Variants in EHBP1 observed in about 807,000 individuals in gnomAD.
The protein encoded by EHBP1 is EH domain-binding protein 1.
A neutral mutation model predicts 144.0 loss-of-function variants in EHBP1; 55 were observed. The observed-to-expected ratio is 0.38, with a 90% CI of 0.31 to 0.48. The LOEUF is 0.48. Among genes scored for constraint, EHBP1 ranks in the 20% least tolerant of loss-of-function variants. The pLI is 0.98. For synonymous variants in EHBP1, 469 were observed against 472.7 expected, an observed-to-expected ratio of 0.99 and a Z score of 0.10; for missense variants, 1,200 against 1,364.2, an observed-to-expected ratio of 0.88 and a Z score of 1.90.
chr2:63,016,976 C>T (rs2060511533), intron 19 of EHBP1, among the ~76,000 whole-genome samples: 1 of 152,140 alleles, frequency 6.6e-6, no homozygotes, highest in African/African-American at 2.4e-5. Flanking sequence ...ATATTTAATC[C>T]ATATCATACC....
intron 10 of EHBP1, among the ~76,000 whole-genome samples, chr2:62,898,178 G>A (rs1334517731): frequency 1.3e-5 from 2 of 152,060 alleles, no homozygotes; most frequent in Non-Finnish European, 2.9e-5. Context: ...TCGCGGGAGT[G>A]ACATAATCTG....
At position 62,747,377 on chromosome 2, in the gene EHBP1, T is replaced by G; in HGVS notation, c.105-18T>G. On this transcript the variant is annotated intron_variant, in intron 2 of 22. Transcript: ENST00000431489. ...TTATTTAAGATAAATTATGTTTAACTTTTTTTTTGTTTGGCAGGCAACCAG... is the reference window on the plus strand; with the variant it reads ...TTATTTAAGATAAATTATGTTTAACGTTTTTTTTGTTTGGCAGGCAACCAG... 1 of 1,523,146 alleles carries G rather than the reference T, an allele frequency of 6.6e-7. No individual in the cohort carries two copies. Among genetic ancestry groups the G allele is most frequent in the Non-Finnish European group, 9.0e-7 (1 of 1,117,098 alleles). 94.4% of individuals were successfully genotyped at this position (1,523,146 alleles called of 1,614,324 possible). A position where few individuals can be genotyped will look rare whatever the true frequency, so the allele number is the denominator to read the frequency against.
intron 19 of EHBP1, among the ~76,000 whole-genome samples, chr2:63,019,512 G>A (rs1310101423): frequency 6.6e-6 from 1 of 152,042 alleles, no homozygotes; most frequent in Non-Finnish European, 1.5e-5. Flanking sequence ...TTTGAGACCA[G>A]CCTGGCCAAT....
chr2:62,969,022 C>A (rs2058372478), intron 14 of EHBP1, among the ~76,000 whole-genome samples: 1 of 152,118 alleles, frequency 6.6e-6, no homozygotes. Context: ...TTCTTTTATT[C>A]TTATAATTTT....
intron 4 of EHBP1, among the ~76,000 whole-genome samples, chr2:62,770,675 A>G (rs181391694): frequency 7.0e-4 from 106 of 152,336 alleles, no homozygotes; most frequent in African/African-American, 2.4e-3. Flanking sequence ...CCAGAGGACT[A>G]TAAATCATTC....
chr2:62,885,364 C>T (rs974513613), intron 10 of EHBP1, among the ~76,000 whole-genome samples: 1 of 151,946 alleles, frequency 6.6e-6, no homozygotes, highest in Admixed American at 6.6e-5. Flanking sequence ...CATTGATTTC[C>T]ATGTTTGTAA....
chr2:63,014,720 G>A (rs2060413584), intron 19 of EHBP1, among the ~76,000 whole-genome samples: 1 of 152,214 alleles, frequency 6.6e-6, no homozygotes, highest in African/African-American at 2.4e-5. Flanking sequence ...GCTCACGCCT[G>A]TAATCCCAGT....
At position 62,820,219 on chromosome 2, in the gene EHBP1, A is replaced by G. The variant is rs567595048; in HGVS notation, c.313-5868A>G. Among the ~76,000 whole-genome samples, 543 of 149,394 alleles carry G rather than the reference A, an allele frequency of 3.6e-3. 1 individual carries two copies. Among genetic ancestry groups the G allele is most frequent in the African/African-American group, 0.012 (505 of 41,314 alleles). ...AGAGTGAAACTCTTGTCTCAAAAAA[A>G]AAAAAGAAAAAAAAAAAAAAGAACA... On this transcript the variant is annotated intron_variant, in intron 5 of 22. Transcript: ENST00000431489.
intron 10 of EHBP1, among the ~76,000 whole-genome samples, chr2:62,879,872 A>G (rs991237310): frequency 6.6e-6 from 1 of 152,188 alleles, no homozygotes; most frequent in African/African-American, 2.4e-5. Flanking sequence ...CAAAATTCAT[A>G]TGGAAAAACA....
intron 1 of EHBP1, among the ~76,000 whole-genome samples, chr2:62,700,449 C>T (rs1176258197): frequency 6.6e-6 from 1 of 152,130 alleles, no homozygotes; most frequent in African/African-American, 2.4e-5. Flanking sequence ...GGGGATGGGG[C>T]ATTTAATCCT....
At chr2:62,857,630 A>G (rs1199567205) in intron 7 of EHBP1, among the ~76,000 whole-genome samples, 1 of 152,166 alleles carries the variant, frequency 6.6e-6, no homozygotes, top group Non-Finnish European at 1.5e-5. Flanking sequence ...AACTTTGGAA[A>G]TATCAGGAAT....
intron 5 of EHBP1, among the ~76,000 whole-genome samples, chr2:62,804,349 T>G (rs2044280231): frequency 6.6e-6 from 1 of 152,186 alleles, no homozygotes; most frequent in African/African-American, 2.4e-5. Context: ...CACTTCTCAA[T>G]TCATGATGGA....
rs1013621763 is a variant in EHBP1, at chr2:62,752,395, C to T, written c.162+4943C>T. ...ACATTTGCTGAGGAGTGCTTTACTT[C>T]CAACTGTGTGGTTAATTTTGGAGTA... On this transcript the variant is annotated intron_variant, in intron 3 of 22. Coordinates refer to ENST00000431489, the MANE Select transcript of EHBP1 (RefSeq NM_001142616.3). Among the ~76,000 whole-genome samples the T allele has an allele frequency of 7.2e-5, 11 of 152,240 alleles. No homozygotes were observed. The South Asian group carries it at 2.3e-3, about 32-fold the overall frequency.
chr2:62,833,929 G>A (rs891865307), intron 7 of EHBP1, among the ~76,000 whole-genome samples: 5 of 152,194 alleles, frequency 3.3e-5, no homozygotes, highest in Non-Finnish European at 5.9e-5. Flanking sequence ...ACAGGAGTTT[G>A]GAAGACAGAA....
At chr2:62,687,900 C>T (rs1314288445) in intron 1 of EHBP1, among the ~76,000 whole-genome samples, 1 of 152,068 alleles carries the variant, frequency 6.6e-6, no homozygotes, top group Non-Finnish European at 1.5e-5. Flanking sequence ...TCAAAGTTTT[C>T]AAGTGAAATG....
At chr2:63,007,300 TGTTTTA>T (rs1204462583) in intron 19 of EHBP1, among the ~76,000 whole-genome samples, 1 of 151,892 alleles carries the variant, frequency 6.6e-6, no homozygotes, top group Non-Finnish European at 1.5e-5. Context: ...TTGTTTATTT[TGTTTTA>T]GTTTTAGTTG....
At chr2:62,898,153 T>A (rs1202319671) in intron 10 of EHBP1, among the ~76,000 whole-genome samples, 2 of 152,128 alleles carry the variant, frequency 1.3e-5, no homozygotes, top group Non-Finnish European at 2.9e-5. Context: ...TGGGAAGCCA[T>A]TGGTGGGTTC....
intron 10 of EHBP1, among the ~76,000 whole-genome samples, chr2:62,923,136 A>G (rs1276635990): frequency 1.3e-5 from 2 of 152,150 alleles, no homozygotes; most frequent in African/African-American, 2.4e-5. Flanking sequence ...CCTGTCTAAC[A>G]CTGGGGCTCC....
intron 3 of EHBP1, among the ~76,000 whole-genome samples, chr2:62,760,215 A>C (rs986502317): frequency 7.2e-5 from 11 of 152,286 alleles, no homozygotes; most frequent in African/African-American, 2.6e-4. Context: ...GCCAACTGTA[A>C]ATAATAATTA....
Sources: allele counts gnomAD v4.1 joint callset (sites outside exome capture counted in the v4.1 genomes callset), GRCh38; gene constraint gnomAD v4.1.1; transcripts MANE v1.5; gene names NCBI Gene and HGNC (gene_info 2026-07-23, HGNC 2026-07-21).